The following VWDE variants were observed in gnomAD, a reference collection of about 807,000 sequenced individuals.
VWDE encodes the protein von Willebrand factor D and EGF domain-containing protein.
Under a neutral mutation model 178.4 loss-of-function variants are expected in VWDE, and 207 were observed. The observed-to-expected ratio is 1.16, with a 90% confidence interval of 1.04 to 1.30. The LOEUF (loss-of-function observed/expected upper bound fraction) is 1.30, where lower values mean the gene tolerates loss of function less well. VWDE is among the 50% of genes most tolerant of loss of function. The pLI is 0.00. For synonymous variants in VWDE, 738 were observed against 651.4 expected (o/e 1.13, Z -2.02); for missense variants, 2,287 against 1,901.3 (o/e 1.20, Z -3.77).
intron 21 of VWDE, among the ~76,000 whole-genome samples, chr7:12,343,830 T>G (rs1213136875): frequency 3.9e-5 from 6 of 152,162 alleles, no homozygotes; most frequent in South Asian, 2.1e-4. Context: ...TTCTAGTTAT[T>G]TGGCATTTAA....
At chr7:12,347,465 G>T (rs1781665976) in intron 19 of VWDE, among the ~76,000 whole-genome samples, 1 of 151,952 alleles carries the variant, frequency 6.6e-6, no homozygotes, top group Non-Finnish European at 1.5e-5. Context: ...ATCATGAGAA[G>T]ATATTGGCCT....
intron 1 of VWDE, among the ~76,000 whole-genome samples, chr7:12,402,525 A>T (rs1200906425): frequency 1.3e-5 from 2 of 152,186 alleles, no homozygotes; most frequent in Non-Finnish European, 2.9e-5. Context: ...GAGGCAAAAA[A>T]GGGTTATGCG....
intron 1 of VWDE, among the ~76,000 whole-genome samples, chr7:12,395,521 G>A (rs17166002): frequency 0.032 from 4,820 of 152,070 alleles, 263 homozygotes; most frequent in African/African-American, 0.11. Flanking sequence ...CTAATACAAA[G>A]CCGAAAATGT....
At chr7:12,401,345 CA>C (rs1784885103) in intron 1 of VWDE, among the ~76,000 whole-genome samples, 1 of 152,106 alleles carries the variant, frequency 6.6e-6, no homozygotes. Flanking sequence ...TCAGTATCCA[CA>C]GGGGATTATT....
At chr7:12,350,975 G>A (rs140304448) in intron 19 of VWDE, among the ~76,000 whole-genome samples, 2 of 152,226 alleles carry the variant, frequency 1.3e-5, no homozygotes, top group African/African-American at 2.4e-5. Context: ...ATAAACCGTA[G>A]TGTACATCAG....
chr7:12,341,914 T>C (rs1781353549), intron 23 of VWDE, 145 bp downstream of exon 23: 1 of 569,432 alleles, frequency 1.8e-6, no homozygotes, highest in African/African-American at 1.9e-5. Context: ...TGAAAGAGTT[T>C]TAAAAATCTG....
intron 1 of VWDE, among the ~76,000 whole-genome samples, chr7:12,397,893 T>TA (rs1784702526): frequency 1.3e-5 from 2 of 152,064 alleles, no homozygotes; most frequent in Admixed American, 6.6e-5. Flanking sequence ...TCACTATTAT[T>TA]AAAAAGTCAA....
At chr7:12,372,688 C>T (rs113264932) in intron 10 of VWDE, among the ~76,000 whole-genome samples, 1,622 of 152,126 alleles carry the variant, frequency 0.011, 37 homozygotes, top group African/African-American at 0.037. Context: ...TCATCTCTGT[C>T]TAATATACTA....
At chr7:12,391,134 A>C (rs1784370666) in intron 2 of VWDE, among the ~76,000 whole-genome samples, 1 of 152,214 alleles carries the variant, frequency 6.6e-6, no homozygotes, top group African/African-American at 2.4e-5. Context: ...AACATATAAC[A>C]TGAACATTAC....
At position 12,379,476 on chromosome 7, in the gene VWDE, C is replaced by A; in HGVS notation, c.879+1G>T. 6.5e-7 allele frequency: 1 copy of A among 1,547,160 alleles called. No homozygotes were observed. ...TCTGATGCATCCCCACTGCTGCGTA[C>A]CTTAAAGCCTGCAAAAAATTCTTGG... On this transcript the variant is annotated splice_donor_variant, in intron 6 of 28. Coordinates refer to ENST00000275358, the MANE Select transcript of VWDE (RefSeq NM_001135924.3). LOFTEE classifies it high-confidence loss of function.
intron 16 of VWDE, 112 bp from the exon 17 acceptor site, chr7:12,357,627 A>C (rs1782333854): frequency 1.6e-6 from 2 of 1,222,860 alleles, no homozygotes; most frequent in Non-Finnish European, 2.2e-6. Flanking sequence ...CTCTGCTAAA[A>C]GGTCTATTAG....
chr7:12,394,733 T>C lies in VWDE; in HGVS notation c.59-955A>G, dbSNP rs1028499449. Among the ~76,000 whole-genome samples, 8 of 152,080 alleles carry C rather than the reference T, an allele frequency of 5.3e-5. No homozygotes were observed. In the East Asian group the frequency reaches 5.8e-4, roughly 11 times the overall value. On this transcript the variant is annotated intron_variant, in intron 1 of 28. Coordinates refer to ENST00000275358, the MANE Select transcript of VWDE (RefSeq NM_001135924.3). ...CAAATACTTATATTATATTTATTGA[T>C]GGAAAACACTGTAATAAAGATGGCA...
intron 27 of VWDE, among the ~76,000 whole-genome samples, chr7:12,335,677 G>A (rs536363030): frequency 1.1e-3 from 160 of 152,204 alleles, no homozygotes; most frequent in Non-Finnish European, 1.6e-3. Context: ...GGATGGTCTC[G>A]ATCTCCTGAC....
intron 28 of VWDE, among the ~76,000 whole-genome samples, chr7:12,332,298 C>T (rs922195432): frequency 1.3e-5 from 2 of 152,110 alleles, no homozygotes; most frequent in African/African-American, 4.8e-5. Flanking sequence ...TCATGCTTAG[C>T]CTTTTATGCC....
chr7:12,345,105 A>C (rs1053156062), intron 19 of VWDE, among the ~76,000 whole-genome samples: 1 of 152,140 alleles, frequency 6.6e-6, no homozygotes, highest in Non-Finnish European at 1.5e-5. Context: ...AAATGTTTCC[A>C]CAGACCCTGG....
rs565483238 is a variant in VWDE, at chr7:12,336,148, A to G, written c.4647T>C (p.Cys1549=). The G allele has an allele frequency of 3.2e-6, 5 of 1,550,738 alleles. No individual in the cohort carries two copies. Among genetic ancestry groups the G allele is most frequent in the Non-Finnish European group, 4.4e-6 (5 of 1,146,628 alleles). The change falls in exon 27 of 29, where the codon TGT becomes TGC. Residue 1549 remains cysteine (C), a synonymous_variant. Coordinates refer to ENST00000275358, the MANE Select transcript of VWDE (RefSeq NM_001135924.3). ...HCPSSWEGVR[C]QIPICNPKCL... The stretch of plus-strand genomic sequence containing the variant: ...AACATCCTGTGGGCTTACGTATTTG[A>G]CACCGCACTCCTTCCCAGGAGGAAG...
At chr7:12,381,583 G>A (rs1335072339) in intron 4 of VWDE, among the ~76,000 whole-genome samples, 1 of 151,930 alleles carries the variant, frequency 6.6e-6, no homozygotes, top group Non-Finnish European at 1.5e-5. Context: ...TGTACTTTTA[G>A]ATATTTTACA....
chr7:12,359,723 C>A, intron 15 of VWDE, 31 bp from the exon 16 acceptor site: 1 of 1,353,468 alleles, frequency 7.4e-7, no homozygotes, highest in Non-Finnish European at 1.0e-6. Flanking sequence ...AAGAAAACAT[C>A]AAAGTACAGC....
chr7:12,345,984 C>T (rs138595133), intron 19 of VWDE, among the ~76,000 whole-genome samples: 108 of 152,124 alleles, frequency 7.1e-4, no homozygotes, highest in Middle Eastern at 3.4e-3. Flanking sequence ...AAATAAAAAA[C>T]GTTAGTCAAT....
Sources: gnomAD v4.1 joint callset for allele counts (sites outside exome capture counted in the v4.1 genomes callset) on GRCh38, gnomAD v4.1.1 for gene constraint, MANE v1.5 for transcripts, NCBI Gene and HGNC (gene_info 2026-07-23, HGNC 2026-07-21) for gene names.